Variants in ZFHX3 observed in about 807,000 individuals in gnomAD.
ZFHX3 encodes the protein zinc finger homeobox 3.
ZFHX3 carries 42 observed loss-of-function variants against 279.1 expected under a neutral mutation model. The ratio of observed to expected loss-of-function variants is 0.15; its 90% CI spans 0.12 to 0.19. The LOEUF is 0.19. Ranked by LOEUF, ZFHX3 falls within the 10% of genes least tolerant of loss-of-function variation. ZFHX3 has a pLI of 1.00. For missense variants in ZFHX3, 4,981 were observed against 4,754.0 expected (o/e 1.05, Z -1.40); for synonymous variants, 2,293 against 1,957.8 (o/e 1.17, Z -4.52).
intron 5 of ZFHX3, among the ~76,000 whole-genome samples, chr16:73,167,609 T>C (rs1967404623): frequency 6.6e-6 from 1 of 152,308 alleles, no homozygotes; most frequent in South Asian, 2.1e-4. Context: ...ACTGAGAACG[T>C]TGGGTAAGAC....
chr16:73,360,059 C>G (rs932382119), intron 3 of ZFHX3, among the ~76,000 whole-genome samples: 2 of 152,092 alleles, frequency 1.3e-5, no homozygotes, highest in African/African-American at 4.8e-5. Flanking sequence ...GGGTTTGAAT[C>G]CTGAGTTATC....
chr16:73,397,475 G>A lies in ZFHX3; in HGVS notation c.-1291+58528C>T, dbSNP rs187454777. On this transcript the variant is annotated intron_variant, in intron 3 of 17. Coordinates refer to the ZFHX3 transcript ENST00000641206. ...TTAAAGTGGGTATAGGCATGGGTGT[G>A]TAGAGAGAGAGGGAGAGAAGGAAAG... 1.4e-3 allele frequency among the ~76,000 whole-genome samples: 213 copies of A among 152,260 alleles called. 1 individual carries two copies. The highest frequency in any genetic ancestry group is 4.9e-3 in the African/African-American group (204 of 41,554).
chr16:72,859,763 A>G (rs1305498090), intron 4 of ZFHX3, among the ~76,000 whole-genome samples: 1 of 152,166 alleles, frequency 6.6e-6, no homozygotes, highest in Non-Finnish European at 1.5e-5. Flanking sequence ...GACATGGGTT[A>G]GAGGAAATGA....
At chr16:73,839,992 A>G (rs1347295319) in intron 1 of ZFHX3, among the ~76,000 whole-genome samples, 1 of 152,136 alleles carries the variant, frequency 6.6e-6, no homozygotes, top group Non-Finnish European at 1.5e-5. Flanking sequence ...CCCATGTTCA[A>G]TAACTCTCTC....
At chr16:73,082,312 G>A (rs1329449025) in intron 8 of ZFHX3, among the ~76,000 whole-genome samples, 1 of 151,606 alleles carries the variant, frequency 6.6e-6, no homozygotes, top group Non-Finnish European at 1.5e-5. Flanking sequence ...ATGTTGCCCA[G>A]CCTGGAGTGC....
At chr16:73,649,063 C>T (rs1383927666) in intron 2 of ZFHX3, among the ~76,000 whole-genome samples, 1 of 152,152 alleles carries the variant, frequency 6.6e-6, no homozygotes, top group Non-Finnish European at 1.5e-5. Flanking sequence ...AAGAGATCAA[C>T]AGGAACAAAA....
chr16:73,846,808 A>C (rs1203870382), intron 1 of ZFHX3, among the ~76,000 whole-genome samples: 1 of 152,146 alleles, frequency 6.6e-6, no homozygotes, highest in East Asian at 1.9e-4. Flanking sequence ...TAACAGACAA[A>C]TGTAGCCATG....
intron 2 of ZFHX3, among the ~76,000 whole-genome samples, chr16:73,578,892 A>G (rs2143819630): frequency 6.6e-6 from 1 of 152,334 alleles, no homozygotes; most frequent in African/African-American, 2.4e-5. Flanking sequence ...GCCCCCAGTC[A>G]TCTGAATGCA....
At chr16:73,079,106 C>G (rs145733578) in intron 8 of ZFHX3, among the ~76,000 whole-genome samples, 448 of 152,268 alleles carry the variant, frequency 2.9e-3, no homozygotes, top group Non-Finnish European at 5.6e-3. Context: ...CAAATCTTCC[C>G]TGATCTCTGG....
At chr16:73,615,568 C>G (rs2052291814) in intron 2 of ZFHX3, among the ~76,000 whole-genome samples, 3 of 152,180 alleles carry the variant, frequency 2.0e-5, no homozygotes, top group Admixed American at 6.5e-5. Flanking sequence ...TTTACAATTA[C>G]ATGTCAATTA....
At chr16:73,667,027 C>T (rs10220938) in intron 2 of ZFHX3, among the ~76,000 whole-genome samples, 8,636 of 151,902 alleles carry the variant, frequency 0.057, 333 homozygotes, top group Non-Finnish European at 0.083. Flanking sequence ...AGTCTCACTC[C>T]GTCACCCAGG....
chr16:73,890,314 G>T (rs939501702), intron 1 of ZFHX3, among the ~76,000 whole-genome samples: 1 of 151,648 alleles, frequency 6.6e-6, no homozygotes, highest in Admixed American at 6.6e-5. Flanking sequence ...ACATTTGCAG[G>T]TGTTGCATAC....
intron 1 of ZFHX3, among the ~76,000 whole-genome samples, chr16:73,699,898 G>C (rs1013936970): frequency 1.3e-5 from 2 of 152,048 alleles, no homozygotes; most frequent in Non-Finnish European, 2.9e-5. Flanking sequence ...ATGATAACAA[G>C]GATATTGTTA....
intron 4 of ZFHX3, among the ~76,000 whole-genome samples, chr16:72,862,586 C>T (rs937188233): frequency 2.4e-4 from 36 of 152,308 alleles, no homozygotes; most frequent in African/African-American, 8.2e-4. Flanking sequence ...ACAAAACAAT[C>T]AGTGAGACAT....
chr16:73,804,088 C>T (rs1444731175), intron 1 of ZFHX3, among the ~76,000 whole-genome samples: 1 of 152,130 alleles, frequency 6.6e-6, no homozygotes, highest in African/African-American at 2.4e-5. Context: ...GCCTGGGAGG[C>T]TGAGGCTCCA....
At chr16:73,743,178 G>C (rs1246163828) in intron 1 of ZFHX3, among the ~76,000 whole-genome samples, 1 of 152,004 alleles carries the variant, frequency 6.6e-6, no homozygotes, top group Admixed American at 6.6e-5. Flanking sequence ...ATATAATTCA[G>C]GTTGGTTCTT....
intron 3 of ZFHX3, among the ~76,000 whole-genome samples, chr16:73,440,917 A>G (rs1186912288): frequency 6.6e-6 from 1 of 152,232 alleles, no homozygotes; most frequent in African/African-American, 2.4e-5. Flanking sequence ...AAATAGATTC[A>G]TCTTTAGTCA....
intron 3 of ZFHX3, among the ~76,000 whole-genome samples, chr16:72,939,273 C>A (rs1960293062): frequency 6.6e-6 from 1 of 152,166 alleles, no homozygotes; most frequent in Non-Finnish European, 1.5e-5. Flanking sequence ...GAGTACCCTC[C>A]ACAGAGCAAA....
intron 3 of ZFHX3, among the ~76,000 whole-genome samples, chr16:73,405,108 AG>A (rs1295736404): frequency 6.6e-6 from 1 of 152,202 alleles, no homozygotes; most frequent in Admixed American, 6.5e-5. Context: ...TAACTCAGGA[AG>A]GAAACTTTTA....
Sources: allele counts gnomAD v4.1 joint callset (sites outside exome capture counted in the v4.1 genomes callset), GRCh38; gene constraint gnomAD v4.1.1; transcripts MANE v1.5; gene names NCBI Gene and HGNC (gene_info 2026-07-23, HGNC 2026-07-21).